Variants in CTNND2 observed in about 807,000 individuals in gnomAD.
The protein encoded by CTNND2 is catenin delta 2.
CTNND2 carries 22 observed loss-of-function variants against 144.4 expected under a neutral mutation model. That is an observed-to-expected ratio of 0.15 (90% CI 0.11 to 0.22). The LOEUF (loss-of-function observed/expected upper bound fraction) is 0.22. Ranked by LOEUF, CTNND2 falls within the 10% of genes least tolerant of loss-of-function variation. The pLI is 1.00. For missense variants in CTNND2, 1,353 were observed against 1,618.8 expected (o/e 0.84, Z 2.82); for synonymous variants, 751 against 695.6 (o/e 1.08, Z -1.25).
intron 3 of CTNND2, among the ~76,000 whole-genome samples, chr5:11,430,500 C>G (rs1581177927): frequency 6.7e-6 from 1 of 150,074 alleles, no homozygotes; most frequent in African/African-American, 2.5e-5. Flanking sequence ...CTTCAAAATG[C>G]AGGAAAGTTC....
chr5:11,799,597 T>C (rs1392486542), intron 1 of CTNND2, among the ~76,000 whole-genome samples: 2 of 152,182 alleles, frequency 1.3e-5, no homozygotes, highest in African/African-American at 2.4e-5. Flanking sequence ...TGGAATTTAA[T>C]AGGAAAAGAC....
intron 2 of CTNND2, among the ~76,000 whole-genome samples, chr5:11,647,884 C>A (rs1377628560): frequency 6.6e-6 from 1 of 152,132 alleles, no homozygotes; most frequent in Admixed American, 6.5e-5. Flanking sequence ...CCTTAGAAAT[C>A]CAGGTTTCTG....
intron 14 of CTNND2, among the ~76,000 whole-genome samples, chr5:11,105,273 T>C (rs1313629236): frequency 1.3e-5 from 2 of 152,232 alleles, no homozygotes; most frequent in Non-Finnish European, 2.9e-5. Flanking sequence ...AATCCTGTGG[T>C]CTTGGTTTAT....
intron 3 of CTNND2, among the ~76,000 whole-genome samples, chr5:11,512,299 C>T (rs955831185): frequency 1.3e-5 from 2 of 152,218 alleles, no homozygotes; most frequent in South Asian, 2.1e-4. Context: ...ATAAATTGTG[C>T]GGTTAGTCCT....
At position 11,290,158 on chromosome 5, in the gene CTNND2, C is replaced by T. The variant is rs540322149; in HGVS notation, c.1629-53335G>A. ...GCATTTTTACATGGTTTTACAATAA[C>T]GATGTGTAGCAATTTCCACTCCCCT... On this transcript the variant is annotated intron_variant, in intron 9 of 21. Coordinates refer to ENST00000304623, the MANE Select transcript of CTNND2 (RefSeq NM_001332.4). Among the ~76,000 whole-genome samples the T allele has an allele frequency of 2.6e-5, 4 of 152,228 alleles. No individual in the cohort carries two copies. The East Asian group carries it at 7.7e-4, about 29-fold the overall frequency.
chr5:11,884,687 T>G (rs1736388500), intron 1 of CTNND2, among the ~76,000 whole-genome samples: 1 of 152,126 alleles, frequency 6.6e-6, no homozygotes, highest in African/African-American at 2.4e-5. Context: ...GGTAGAAGTA[T>G]CAGTACTATC....
intron 3 of CTNND2, among the ~76,000 whole-genome samples, chr5:11,467,500 A>G (rs1766793023): frequency 6.6e-6 from 1 of 152,250 alleles, no homozygotes; most frequent in Non-Finnish European, 1.5e-5. Flanking sequence ...GATTCTACAC[A>G]GAATATTCAA....
intron 3 of CTNND2, among the ~76,000 whole-genome samples, chr5:11,431,094 T>C (rs918070863): frequency 1.3e-5 from 2 of 152,244 alleles, no homozygotes; most frequent in African/African-American, 4.8e-5. Context: ...GCAGCTATTC[T>C]TTACTGAGGT....
chr5:11,868,510 T>C (rs1167393532), intron 1 of CTNND2, among the ~76,000 whole-genome samples: 9 of 152,020 alleles, frequency 5.9e-5, no homozygotes, highest in Non-Finnish European at 1.0e-4. Flanking sequence ...AAGAAGAAAA[T>C]GCAAAAGGAG....
chr5:11,570,341 G>A (rs1246915187), intron 2 of CTNND2, among the ~76,000 whole-genome samples: 1 of 152,114 alleles, frequency 6.6e-6, no homozygotes. Flanking sequence ...TCTCCTCTAT[G>A]AGTTGTCTTC....
intron 10 of CTNND2, among the ~76,000 whole-genome samples, chr5:11,215,833 A>G (rs777915878): frequency 5.3e-5 from 8 of 152,242 alleles, no homozygotes; most frequent in Non-Finnish European, 1.0e-4. Flanking sequence ...ACTGTTAGGT[A>G]TTTACTAATA....
chr5:11,045,134 C>T lies in CTNND2; in HGVS notation c.2789-22155G>A, dbSNP rs116223610. Among the ~76,000 whole-genome samples, 589 of 152,320 alleles carry T rather than the reference C, an allele frequency of 3.9e-3. 4 individuals are homozygous for T. The highest frequency in any genetic ancestry group is 0.012 in the African/African-American group (494 of 41,570). On this transcript the variant is annotated intron_variant, in intron 16 of 21. Transcript: ENST00000304623. ...TGGCATTTATTCTGGTGGCTCCTGA[C>T]ATTTACTGGATTGGGGCTGTGTCTT...
At chr5:11,295,864 T>C (rs1262128402) in intron 9 of CTNND2, among the ~76,000 whole-genome samples, 1 of 151,054 alleles carries the variant, frequency 6.6e-6, no homozygotes, top group Non-Finnish European at 1.5e-5. Flanking sequence ...GTGTTAGACC[T>C]AAAGCCATAA....
chr5:11,507,987 ATTT>A (rs33991357), intron 3 of CTNND2, among the ~76,000 whole-genome samples: 2 of 147,486 alleles, frequency 1.4e-5, no homozygotes, highest in Admixed American at 6.7e-5. Context: ...AAAGAAATGG[ATTT>A]TTTTTTTTTT....
intron 1 of CTNND2, among the ~76,000 whole-genome samples, chr5:11,833,587 G>T (rs928195809): frequency 6.6e-6 from 1 of 152,004 alleles, no homozygotes; most frequent in African/African-American, 2.4e-5. Context: ...GCAATGGCAC[G>T]ATCTCAGCTC....
intron 10 of CTNND2, among the ~76,000 whole-genome samples, chr5:11,235,134 T>C (rs1294713916): frequency 6.6e-6 from 1 of 152,140 alleles, no homozygotes; most frequent in Non-Finnish European, 1.5e-5. Flanking sequence ...TCCATCCCAC[T>C]TCGGCGGGGC....
At chr5:11,125,244 G>A (rs1754562395) in intron 12 of CTNND2, among the ~76,000 whole-genome samples, 1 of 152,156 alleles carries the variant, frequency 6.6e-6, no homozygotes, top group Non-Finnish European at 1.5e-5. Flanking sequence ...AGGTGCAGAG[G>A]TTGCAGGGCT....
chr5:11,869,276 T>C (rs1331121204), intron 1 of CTNND2, among the ~76,000 whole-genome samples: 1 of 152,144 alleles, frequency 6.6e-6, no homozygotes, highest in Non-Finnish European at 1.5e-5. Context: ...TGCACACCAA[T>C]GTTCACAGCA....
At chr5:11,298,029 C>G (rs1488481648) in intron 9 of CTNND2, among the ~76,000 whole-genome samples, 1 of 152,130 alleles carries the variant, frequency 6.6e-6, no homozygotes, top group East Asian at 1.9e-4. Context: ...CTCTTAATGA[C>G]ATCACATTTC....
Sources: allele counts gnomAD v4.1 joint callset (sites outside exome capture counted in the v4.1 genomes callset), GRCh38; gene constraint gnomAD v4.1.1; transcripts MANE v1.5; gene names NCBI Gene and HGNC (gene_info 2026-07-23, HGNC 2026-07-21).